The following RCAN3 variants were observed in gnomAD, a reference collection of about 807,000 sequenced individuals.
RCAN3 encodes the protein calcipressin-3.
A neutral mutation model predicts 21.9 loss-of-function variants in RCAN3; 19 were observed. That is an observed-to-expected ratio of 0.87 (90% CI 0.61 to 1.27). The LOEUF (loss-of-function observed/expected upper bound fraction) is 1.27, where lower values mean the gene tolerates loss of function less well. Among genes scored for constraint, RCAN3 ranks in the 50% most tolerant of loss-of-function variants. The pLI, the probability that RCAN3 is intolerant of heterozygous loss-of-function variation, is 0.00. For synonymous variants in RCAN3, 114 were observed against 112.3 expected, an observed-to-expected ratio of 1.01 and a Z score of -0.09; for missense variants, 240 against 300.1, an observed-to-expected ratio of 0.80 and a Z score of 1.48.
At chr1:24,530,492 G>A (rs1649676078) in intron 2 of RCAN3, among the ~76,000 whole-genome samples, 1 of 151,504 alleles carries the variant, frequency 6.6e-6, no homozygotes, top group Admixed American at 6.6e-5. Context: ...ACAAATAGAT[G>A]TTGTAAACTC....
intron 1 of RCAN3, among the ~76,000 whole-genome samples, chr1:24,504,457 C>G (rs1344408845): frequency 8.8e-6 from 1 of 113,822 alleles, no homozygotes; most frequent in Non-Finnish European, 1.7e-5. Flanking sequence ...CATGAGCCAC[C>G]GCACCCAGCC....
intron 2 of RCAN3, among the ~76,000 whole-genome samples, chr1:24,528,576 T>G (rs1297668477): frequency 6.6e-6 from 1 of 152,166 alleles, no homozygotes; most frequent in Non-Finnish European, 1.5e-5. Flanking sequence ...CAAAATAGAC[T>G]TTAAGACAAA....
intron 1 of RCAN3, among the ~76,000 whole-genome samples, chr1:24,511,411 C>T (rs956866630): frequency 2.0e-5 from 3 of 152,026 alleles, no homozygotes; most frequent in East Asian, 3.9e-4. Flanking sequence ...ACACCCACGA[C>T]GTGTATTCAT....
intron 1 of RCAN3, among the ~76,000 whole-genome samples, chr1:24,513,244 A>T (rs1648038135): frequency 6.6e-6 from 1 of 151,946 alleles, no homozygotes; most frequent in African/African-American, 2.4e-5. Flanking sequence ...CTCAAAAAAA[A>T]GTTCAGAAAA....
chr1:24,524,298 T>C (rs1482623141), intron 2 of RCAN3, among the ~76,000 whole-genome samples: 1 of 152,166 alleles, frequency 6.6e-6, no homozygotes, highest in Non-Finnish European at 1.5e-5. Flanking sequence ...TAAAAATCCA[T>C]CTTGAATAGC....
At chr1:24,503,716 G>GA (rs1285885821) in intron 1 of RCAN3, among the ~76,000 whole-genome samples, 1 of 152,210 alleles carries the variant, frequency 6.6e-6, no homozygotes, top group Non-Finnish European at 1.5e-5. Context: ...TTAGAGATTA[G>GA]GATTCTAGTG....
chr1:24,504,960 A>T (rs976509855), intron 1 of RCAN3, among the ~76,000 whole-genome samples: 1 of 152,230 alleles, frequency 6.6e-6, no homozygotes, highest in African/African-American at 2.4e-5. Flanking sequence ...TGGAACTTCA[A>T]TTATAACAGG....
At chr1:24,517,076 AT>A (rs1356958592) in intron 2 of RCAN3, among the ~76,000 whole-genome samples, 2 of 126,302 alleles carry the variant, frequency 1.6e-5, no homozygotes, top group African/African-American at 3.2e-5. Flanking sequence ...AATCTTTTCT[AT>A]TTTTTTGTTT....
At chr1:24,512,693 C>T (rs1647984503) in intron 1 of RCAN3, among the ~76,000 whole-genome samples, 1 of 152,110 alleles carries the variant, frequency 6.6e-6, no homozygotes, top group African/African-American at 2.4e-5. Flanking sequence ...AATCACAAAT[C>T]AGGTGGTATT....
At chr1:24,526,115 A>C (rs967943519) in intron 2 of RCAN3, among the ~76,000 whole-genome samples, 1 of 152,178 alleles carries the variant, frequency 6.6e-6, no homozygotes, top group Non-Finnish European at 1.5e-5. Flanking sequence ...AGAGAGAGAC[A>C]GGGTCTCACT....
chr1:24,517,534 G>A (rs1026808053), intron 2 of RCAN3, among the ~76,000 whole-genome samples: 9 of 152,086 alleles, frequency 5.9e-5, no homozygotes, highest in African/African-American at 9.7e-5. Context: ...TATATCTAAC[G>A]TAAATTTATA....
In RCAN3 at chr1:24,539,709, T is replaced by A. The variant is rs1650407834; in HGVS notation, c.*4432T>A. The A allele has an allele frequency of 6.6e-6, 1 of 152,226 alleles. No homozygotes were observed. Among genetic ancestry groups the A allele is most frequent in the African/African-American group, 2.4e-5 (1 of 41,458 alleles). The allele number at this position is 152,226 out of a possible 1,614,324, so 9.4% of individuals were successfully genotyped here. A position where few individuals can be genotyped will look rare whatever the true frequency, so the allele number is the denominator to read the frequency against. ...ATTTTAAAAGGGAAAATCTCACACATAATTAAGCAGTGGAAAATGTGCTCA... is the reference window on the plus strand; with the variant it reads ...ATTTTAAAAGGGAAAATCTCACACAAAATTAAGCAGTGGAAAATGTGCTCA... On this transcript the variant is annotated 3_prime_UTR_variant, in exon 5 of 5. Coordinates refer to ENST00000374395, the MANE Select transcript of RCAN3 (RefSeq NM_013441.4).
chr1:24,531,401 C>G lies in RCAN3; in HGVS notation c.369+10C>G. ...GCTATATTTTGCACAGGTACTTCACCGTGCAGAGAACACTGTTCTCTAAAC... is the reference window on the plus strand; with the variant it reads ...GCTATATTTTGCACAGGTACTTCACGGTGCAGAGAACACTGTTCTCTAAAC... On this transcript the variant is annotated intron_variant, in intron 3 of 4. Transcript: ENST00000374395. 1 of 1,580,290 alleles carries G rather than the reference C, an allele frequency of 6.3e-7. No homozygotes were observed. Among genetic ancestry groups the G allele is most frequent in the Non-Finnish European group, 8.6e-7 (1 of 1,162,300 alleles).
Position 24,537,014 on chromosome 1 carries a change from G to A in RCAN3, c.*1737G>A, listed in dbSNP as rs1021291739. On this transcript the variant is annotated 3_prime_UTR_variant, in exon 5 of 5. Transcript: ENST00000374395. ...CCCAATAAATTTACTCTGCAGTTCT[G>A]AACTCAGCATTGTGCCCATTTTTTA... 1 of 152,096 alleles carries A rather than the reference G, an allele frequency of 6.6e-6. No individual in the cohort carries two copies. Among genetic ancestry groups the A allele is most frequent in the African/African-American group, 2.4e-5 (1 of 41,410 alleles). 9.4% of individuals were successfully genotyped at this position (152,096 alleles called of 1,614,324 possible). A position where few individuals can be genotyped will look rare whatever the true frequency, so the allele number is the denominator to read the frequency against.
chr1:24,539,305 C>T lies in RCAN3; in HGVS notation c.*4028C>T, dbSNP rs1412301716. On this transcript the variant is annotated 3_prime_UTR_variant, in exon 5 of 5. Coordinates refer to ENST00000374395, the MANE Select transcript of RCAN3 (RefSeq NM_013441.4). ...GGGAAACAGTGAATAAGAAAAATCT[C>T]ATCATTCGATGGAAGAGGTGACTTA... The T allele has an allele frequency of 6.6e-6, 1 of 151,396 alleles. No homozygotes were observed. The highest frequency in any genetic ancestry group is 1.5e-5 in the Non-Finnish European group (1 of 67,968). 9.4% of individuals were successfully genotyped at this position (151,396 alleles called of 1,614,324 possible).
At chr1:24,529,663 A>C (rs1259287501) in intron 2 of RCAN3, among the ~76,000 whole-genome samples, 1 of 147,512 alleles carries the variant, frequency 6.8e-6, no homozygotes, top group African/African-American at 2.5e-5. Context: ...CAATTCTCCC[A>C]TCTCAGCCTC....
rs196432 is a variant in RCAN3 at position 24,535,214 on chromosome 1, G to T, written c.663G>T (p.Thr221=). 6.3e-7 allele frequency: 1 copy of T among 1,588,892 alleles called. No homozygotes were observed. Among genetic ancestry groups the T allele is most frequent in the Non-Finnish European group, 8.5e-7 (1 of 1,170,984 alleles). The change falls in exon 5 of 5, where the codon ACG becomes ACT. Residue 221 remains threonine (T), a synonymous_variant. Coordinates refer to ENST00000374395, the MANE Select transcript of RCAN3 (RefSeq NM_013441.4). The part of the protein sequence containing the change: ...TKNPKQKIAQ[T]RRPDPPTAAL... ...ACCCCAAACAGAAAATTGCCCAGACGAGGCGCCCCGACCCTCCGACCGCAG... is the reference window on the plus strand; with the variant it reads ...ACCCCAAACAGAAAATTGCCCAGACTAGGCGCCCCGACCCTCCGACCGCAG...
chr1:24,524,752 C>T (rs1461725081), intron 2 of RCAN3, among the ~76,000 whole-genome samples: 1 of 152,006 alleles, frequency 6.6e-6, no homozygotes, highest in Non-Finnish European at 1.5e-5. Flanking sequence ...AAGATAATTT[C>T]ACTGCTGAAT....
At chr1:24,503,207 A>G (rs1192645406) in intron 1 of RCAN3, 57 bp downstream of exon 1, 2 of 109,668 alleles carry the variant, frequency 1.8e-5, no homozygotes, top group Non-Finnish European at 3.7e-5. Context: ...GTGGTGCATG[A>G]AAAGTTAAAA....
Sources: gnomAD v4.1 joint callset for allele counts (sites outside exome capture counted in the v4.1 genomes callset) on GRCh38, gnomAD v4.1.1 for gene constraint, MANE v1.5 for transcripts, NCBI Gene and HGNC (gene_info 2026-07-23, HGNC 2026-07-21) for gene names.